EYS: variants seen among roughly 807,000 people sequenced by gnomAD.
EYS encodes the protein protein eyes shut homolog.
EYS carries 250 observed loss-of-function variants against 282.1 expected under a neutral mutation model. The observed-to-expected ratio is 0.89, with a 90% CI of 0.80 to 0.98. The LOEUF (loss-of-function observed/expected upper bound fraction) is 0.98. Ranked by LOEUF, EYS falls within the 50% of genes least tolerant of loss-of-function variation. The pLI is 0.00. For synonymous variants in EYS, 1,355 were observed against 1,282.9 expected (o/e 1.06, Z -1.20); for missense variants, 4,016 against 3,709.0 (o/e 1.08, Z -2.15).
chr6:64,214,974 C>G (rs1765887766), intron 31 of EYS, among the ~76,000 whole-genome samples: 1 of 151,816 alleles, frequency 6.6e-6, no homozygotes, highest in Admixed American at 6.6e-5. Flanking sequence ...AGAAAATTTA[C>G]AAAATAGGTT....
intron 8 of EYS, among the ~76,000 whole-genome samples, chr6:65,360,665 A>C (rs182966518): frequency 1.3e-5 from 2 of 152,254 alleles, no homozygotes; most frequent in Admixed American, 1.3e-4. Flanking sequence ...AATTCAACAA[A>C]TATTTTCTGA....
intron 22 of EYS, among the ~76,000 whole-genome samples, chr6:64,743,306 A>C (rs1250276469): frequency 3.9e-5 from 6 of 152,136 alleles, no homozygotes; most frequent in Admixed American, 3.9e-4. Flanking sequence ...TGTAGGTGAC[A>C]AAAGACAAAA....
chr6:64,418,083 T>G (rs987985914), intron 28 of EYS, among the ~76,000 whole-genome samples: 1 of 152,092 alleles, frequency 6.6e-6, no homozygotes, highest in Non-Finnish European at 1.5e-5. Context: ...ATAGGAGAAA[T>G]TTTAGGGGAG....
intron 15 of EYS, among the ~76,000 whole-genome samples, chr6:64,923,553 A>G (rs1320996086): frequency 6.6e-6 from 1 of 152,054 alleles, no homozygotes; most frequent in Admixed American, 6.5e-5. Context: ...TTCAGCATTA[A>G]CTCAAAAGTC....
chr6:64,548,159 G>A lies in EYS; in HGVS notation c.5644+42064C>T, dbSNP rs907386566. On this transcript the variant is annotated intron_variant, in intron 26 of 42. Coordinates refer to ENST00000503581, the MANE Select transcript of EYS (RefSeq NM_001142800.2). ...CTCCTCAAGTGCTGCCAAAGTGGGA[G>A]CCAAGGCAGAGGAGGCACCAAGAGC... Among the ~76,000 whole-genome samples the A allele has an allele frequency of 6.6e-5, 10 of 152,326 alleles. No individual in the cohort carries two copies. The East Asian group carries it at 1.5e-3, about 24-fold the overall frequency.
At chr6:64,418,172 G>C (rs1471478713) in intron 28 of EYS, among the ~76,000 whole-genome samples, 1 of 151,928 alleles carries the variant, frequency 6.6e-6, no homozygotes, top group African/African-American at 2.4e-5. Context: ...TCAAACAGAA[G>C]AGGCTATCCT....
intron 34 of EYS, among the ~76,000 whole-genome samples, chr6:63,995,031 A>C (rs574159126): frequency 6.6e-6 from 1 of 151,958 alleles, no homozygotes; most frequent in Non-Finnish European, 1.5e-5. Context: ...AGTGGGACCT[A>C]TGTCAAAAAA....
At chr6:65,523,619 A>G (rs1198470131) in intron 2 of EYS, among the ~76,000 whole-genome samples, 1 of 152,214 alleles carries the variant, frequency 6.6e-6, no homozygotes, top group Non-Finnish European at 1.5e-5. Flanking sequence ...TAATCATTTC[A>G]CTATGTATAT....
At chr6:64,757,001 G>A in intron 22 of EYS, among the ~76,000 whole-genome samples, 1 of 151,074 alleles carries the variant, frequency 6.6e-6, no homozygotes, top group Non-Finnish European at 1.5e-5. Flanking sequence ...TTTGAGACTT[G>A]GTAGATGGAT....
intron 36 of EYS, among the ~76,000 whole-genome samples, chr6:63,818,292 C>T (rs998990257): frequency 6.6e-6 from 1 of 152,126 alleles, no homozygotes; most frequent in Non-Finnish European, 1.5e-5. Flanking sequence ...TCTGATTTCT[C>T]TTGGTGACAA....
intron 32 of EYS, among the ~76,000 whole-genome samples, chr6:64,081,500 T>TC (rs1297700957): frequency 6.6e-6 from 1 of 152,192 alleles, no homozygotes; most frequent in Non-Finnish European, 1.5e-5. Context: ...GAATGCCTTT[T>TC]CCCAAGTTAT....
chr6:64,169,618 G>A (rs1396213144), intron 31 of EYS, among the ~76,000 whole-genome samples: 5 of 152,050 alleles, frequency 3.3e-5, no homozygotes, highest in African/African-American at 9.7e-5. Context: ...CTTTTGTTAA[G>A]GTGTTAGCCC....
chr6:65,612,914 A>G (rs1024317600), intron 2 of EYS, among the ~76,000 whole-genome samples: 1 of 151,630 alleles, frequency 6.6e-6, no homozygotes, highest in Non-Finnish European at 1.5e-5. Context: ...AATTTCATCA[A>G]TTTTATCAAA....
At chr6:65,212,396 T>C (rs768925879) in intron 12 of EYS, among the ~76,000 whole-genome samples, 3 of 152,130 alleles carry the variant, frequency 2.0e-5, no homozygotes, top group African/African-American at 7.2e-5. Flanking sequence ...CTGGGATCTA[T>C]ACAGCTGAAT....
intron 26 of EYS, among the ~76,000 whole-genome samples, chr6:64,514,964 G>A (rs755432366): frequency 1.3e-5 from 2 of 151,676 alleles, no homozygotes; most frequent in South Asian, 2.1e-4. Context: ...AGACTCTTCT[G>A]TCTTATAATT....
At position 64,605,151 on chromosome 6, in the gene EYS, G is replaced by T. The variant is rs540907849; in HGVS notation, c.3685-11842C>A. Among the ~76,000 whole-genome samples, 119 of 151,752 alleles carry T rather than the reference G, an allele frequency of 7.8e-4. 2 individuals are homozygous for T. The highest frequency in any genetic ancestry group is 2.8e-3 in the African/African-American group (114 of 41,454). On this transcript the variant is annotated intron_variant, in intron 24 of 42. Transcript: ENST00000503581. Reference sequence around the variant, plus strand: ...AAAACATGGTGAGAAACTTACTTAGGTTACCCCCAAATTTTAAATATATGG... The same window carrying T: ...AAAACATGGTGAGAAACTTACTTAGTTTACCCCCAAATTTTAAATATATGG...
intron 13 of EYS, among the ~76,000 whole-genome samples, chr6:65,044,449 T>C (rs762184716): frequency 6.6e-6 from 1 of 151,836 alleles, no homozygotes. Flanking sequence ...CAAAATATCC[T>C]TGCCCAATCC....
intron 26 of EYS, among the ~76,000 whole-genome samples, chr6:64,481,518 TCA>T (rs201568230): frequency 7.5e-6 from 1 of 133,190 alleles, no homozygotes; most frequent in Admixed American, 7.6e-5. Context: ...TTTTGTTTTC[TCA>T]CACACACACA....
chr6:65,534,633 T>A (rs1405680373), intron 2 of EYS, among the ~76,000 whole-genome samples: 1 of 152,020 alleles, frequency 6.6e-6, no homozygotes, highest in African/African-American at 2.4e-5. Context: ...ATGAAGAAAG[T>A]CAAATATGCA....
Sources: gnomAD v4.1 joint callset for allele counts (sites outside exome capture counted in the v4.1 genomes callset) on GRCh38, gnomAD v4.1.1 for gene constraint, MANE v1.5 for transcripts, NCBI Gene and HGNC (gene_info 2026-07-23, HGNC 2026-07-21) for gene names.